The following STXBP6 variants were observed in gnomAD, a reference collection of about 807,000 sequenced individuals.
The protein encoded by STXBP6 is syntaxin binding protein 6, also known as syntaxin-binding protein 6.
STXBP6 carries 21 observed loss-of-function variants against 26.9 expected under a neutral mutation model. The ratio of observed to expected loss-of-function variants is 0.78; its 90% CI spans 0.55 to 1.12. The LOEUF is 1.12. STXBP6 is among the 50% of genes most tolerant of loss of function. STXBP6 has a pLI of 0.00. For synonymous variants in STXBP6, 97 were observed against 92.6 expected (o/e 1.05, Z -0.27); for missense variants, 232 against 257.9 (o/e 0.90, Z 0.69).
At chr14:24,961,936 T>C (rs934144968) in intron 2 of STXBP6, among the ~76,000 whole-genome samples, 1 of 152,212 alleles carries the variant, frequency 6.6e-6, no homozygotes, top group Non-Finnish European at 1.5e-5. Context: ...ATATGTTTGG[T>C]TGACATTTAC....
chr14:24,965,032 T>C (rs1566516626), intron 2 of STXBP6, among the ~76,000 whole-genome samples: 1 of 152,162 alleles, frequency 6.6e-6, no homozygotes, highest in Non-Finnish European at 1.5e-5. Context: ...GTGGAAATTT[T>C]CCAACTCTGA....
chr14:24,951,465 TA>T (rs1232046171), intron 2 of STXBP6, among the ~76,000 whole-genome samples: 1 of 152,238 alleles, frequency 6.6e-6, no homozygotes, highest in Non-Finnish European at 1.5e-5. Context: ...TGCATTTCTC[TA>T]ATGACCAGTG....
At chr14:25,027,584 C>T (rs940680815) in intron 1 of STXBP6, among the ~76,000 whole-genome samples, 3 of 152,168 alleles carry the variant, frequency 2.0e-5, no homozygotes, top group Non-Finnish European at 4.4e-5. Context: ...TTCCCTAAGA[C>T]ACAACAATAT....
intron 2 of STXBP6, among the ~76,000 whole-genome samples, chr14:24,897,133 G>A (rs2071019878): frequency 6.6e-6 from 1 of 152,086 alleles, no homozygotes; most frequent in African/African-American, 2.4e-5. Flanking sequence ...TTTTTAGGCT[G>A]GGTGCGGTGG....
chr14:24,945,533 GTAC>G (rs1302458363), intron 2 of STXBP6, among the ~76,000 whole-genome samples: 1 of 151,984 alleles, frequency 6.6e-6, no homozygotes, highest in Non-Finnish European at 1.5e-5. Flanking sequence ...TCACGCCACT[GTAC>G]TCTAGCCTGG....
chr14:24,909,187 C>G (rs1273556310), intron 2 of STXBP6, among the ~76,000 whole-genome samples: 1 of 152,220 alleles, frequency 6.6e-6, no homozygotes, highest in East Asian at 1.9e-4. Flanking sequence ...ATCAAAGGTG[C>G]TACACATTGG....
At position 25,049,919 on chromosome 14, in the gene STXBP6, A is replaced by C. The variant is rs545168301; in HGVS notation, c.-74T>G. 175 of 976,796 alleles carry C rather than the reference A, an allele frequency of 1.8e-4. No homozygotes were observed. Among genetic ancestry groups the C allele is most frequent in the Non-Finnish European group, 1.8e-4 (149 of 822,458 alleles). 60.5% of individuals were successfully genotyped at this position (976,796 alleles called of 1,614,324 possible). ...CGCCCCTGCCGTGCCAGTGCGCGGC[A>C]CGCGTCCCAGAGCACGAGGCTCCTC... On this transcript the variant is annotated 5_prime_UTR_variant, in exon 1 of 6. Coordinates refer to ENST00000323944, the MANE Select transcript of STXBP6 (RefSeq NM_001394410.1). This position sits in a 1 kb window ranked among gnomAD's most constrained non-coding sequence, Gnocchi z 5.6.
At chr14:24,860,206 T>A (rs2069485618) in intron 2 of STXBP6, among the ~76,000 whole-genome samples, 1 of 152,102 alleles carries the variant, frequency 6.6e-6, no homozygotes, top group Non-Finnish European at 1.5e-5. Flanking sequence ...CTTGCTATAC[T>A]CAAAGGGTGG....
intron 2 of STXBP6, among the ~76,000 whole-genome samples, chr14:24,881,246 T>C (rs2070345743): frequency 6.6e-6 from 1 of 152,168 alleles, no homozygotes. Flanking sequence ...TATACTTTCT[T>C]GGAACTCCAC....
At chr14:24,995,731 C>T (rs1353029854) in intron 1 of STXBP6, among the ~76,000 whole-genome samples, 2 of 152,080 alleles carry the variant, frequency 1.3e-5, no homozygotes, top group Non-Finnish European at 1.5e-5. Context: ...GGGCCAAGCA[C>T]ATGAACAAAA....
At chr14:24,838,727 G>C (rs2068698851) in intron 4 of STXBP6, among the ~76,000 whole-genome samples, 1 of 151,854 alleles carries the variant, frequency 6.6e-6, no homozygotes, top group Admixed American at 6.6e-5. Flanking sequence ...TAACTTAAGG[G>C]CCCTTTCATG....
At chr14:24,864,655 A>G (rs1212715174) in intron 2 of STXBP6, among the ~76,000 whole-genome samples, 1 of 152,194 alleles carries the variant, frequency 6.6e-6, no homozygotes, top group African/African-American at 2.4e-5. Flanking sequence ...TGAAGGAGAA[A>G]GAGTAACAGA....
chr14:24,905,096 T>C (rs1595082298), intron 2 of STXBP6, among the ~76,000 whole-genome samples: 1 of 152,294 alleles, frequency 6.6e-6, no homozygotes, highest in Middle Eastern at 3.4e-3. Flanking sequence ...TCTGTTTTAT[T>C]TGAATCTTCC....
At chr14:24,984,522 G>T (rs540681792) in intron 1 of STXBP6, among the ~76,000 whole-genome samples, 1 of 152,316 alleles carries the variant, frequency 6.6e-6, no homozygotes, top group South Asian at 2.1e-4. Flanking sequence ...GAAATTTCCA[G>T]TGAGGTTTAT....
intron 2 of STXBP6, among the ~76,000 whole-genome samples, chr14:24,877,152 A>C (rs1246223502): frequency 2.0e-5 from 3 of 152,302 alleles, no homozygotes; most frequent in Non-Finnish European, 2.9e-5. Flanking sequence ...CATATTAGAA[A>C]TCTGGTCACT....
At chr14:24,937,465 C>A (rs1375867287) in intron 2 of STXBP6, among the ~76,000 whole-genome samples, 1 of 152,174 alleles carries the variant, frequency 6.6e-6, no homozygotes, top group Non-Finnish European at 1.5e-5. Context: ...GGCAATTACA[C>A]TCAACCTGTC....
At chr14:24,877,213 T>G (rs2070176158) in intron 2 of STXBP6, among the ~76,000 whole-genome samples, 1 of 152,238 alleles carries the variant, frequency 6.6e-6, no homozygotes, top group African/African-American at 2.4e-5. Context: ...TTGAATACAA[T>G]GGCTCTTTTA....
intron 1 of STXBP6, among the ~76,000 whole-genome samples, chr14:25,015,280 C>G (rs17257752): frequency 0.018 from 2,801 of 152,112 alleles, 42 homozygotes; most frequent in Non-Finnish European, 0.027. Context: ...CTTCTAAAAC[C>G]TCAGTTTCAG....
intron 2 of STXBP6, among the ~76,000 whole-genome samples, chr14:24,890,602 AAAG>A (rs1412050846): frequency 2.6e-5 from 4 of 152,246 alleles, no homozygotes; most frequent in African/African-American, 4.8e-5. Context: ...CTAGGGATTA[AAAG>A]AAGATCTTAC....
Sources: allele counts gnomAD v4.1 joint callset (sites outside exome capture counted in the v4.1 genomes callset), GRCh38; gene constraint gnomAD v4.1.1; non-coding constraint Gnocchi (gnomAD v3.1); transcripts MANE v1.5; gene names NCBI Gene and HGNC (gene_info 2026-07-23, HGNC 2026-07-21).